Variants in ITPR1 observed in about 807,000 individuals in gnomAD.
ITPR1 encodes the protein inositol 1,4,5-trisphosphate-gated calcium channel ITPR1.
A neutral mutation model predicts 318.4 loss-of-function variants in ITPR1; 96 were observed. The ratio of observed to expected loss-of-function variants is 0.30; its 90% CI spans 0.26 to 0.36. ITPR1 has a LOEUF of 0.36. ITPR1 is among the 10% of genes least tolerant of loss of function. ITPR1 has a pLI of 1.00. For synonymous variants in ITPR1, 1,312 were observed against 1,289.9 expected (o/e 1.02, Z -0.37); for missense variants, 2,440 against 3,460.2 (o/e 0.71, Z 7.40).
chr3:4,648,234 T>G (rs528431253), intron 10 of ITPR1, among the ~76,000 whole-genome samples: 56 of 152,332 alleles, frequency 3.7e-4, no homozygotes, highest in African/African-American at 1.3e-3. Flanking sequence ...CTATATAAAG[T>G]TTTTGTTAAT....
chr3:4,523,236 G>C (rs2082702659), intron 4 of ITPR1, among the ~76,000 whole-genome samples: 1 of 152,090 alleles, frequency 6.6e-6, no homozygotes, highest in African/African-American at 2.4e-5. Context: ...GATGAACCTG[G>C]GAGAGATTCT....
intron 4 of ITPR1, among the ~76,000 whole-genome samples, chr3:4,559,344 A>G (rs898867888): frequency 6.6e-6 from 1 of 152,162 alleles, no homozygotes; most frequent in Non-Finnish European, 1.5e-5. Context: ...GTGTGCATGC[A>G]TTAATTTGAT....
intron 36 of ITPR1, 43 bp from the exon 37 acceptor site, chr3:4,706,124 C>G (rs776768864): frequency 1.2e-6 from 2 of 1,609,080 alleles, no homozygotes; most frequent in Non-Finnish European, 1.7e-6. Flanking sequence ...AGGGTGTCCC[C>G]CATAAAAGTT....
intron 37 of ITPR1, among the ~76,000 whole-genome samples, chr3:4,707,574 A>G (rs1209455041): frequency 6.6e-6 from 1 of 152,218 alleles, no homozygotes; most frequent in African/African-American, 2.4e-5. Context: ...GGCAGTCTCA[A>G]AGGTTCACTC....
intron 33 of ITPR1, among the ~76,000 whole-genome samples, chr3:4,694,953 A>G (rs1395307858): frequency 6.6e-6 from 1 of 152,236 alleles, no homozygotes; most frequent in African/African-American, 2.4e-5. Context: ...TACAGTATAT[A>G]TACTTTACTT....
chr3:4,622,875 T>G (rs571412265), intron 4 of ITPR1, among the ~76,000 whole-genome samples: 1 of 152,368 alleles, frequency 6.6e-6, no homozygotes, highest in East Asian at 1.9e-4. Flanking sequence ...CTACTCAATC[T>G]TTAGACCCTG....
chr3:4,808,568 C>T (rs989710460), intron 55 of ITPR1, among the ~76,000 whole-genome samples: 15 of 152,128 alleles, frequency 9.9e-5, no homozygotes, highest in South Asian at 2.1e-4. Context: ...CTGTGCTTTG[C>T]GGGGGGATTT....
chr3:4,592,950 T>G (rs1165285709), intron 4 of ITPR1, among the ~76,000 whole-genome samples: 1 of 151,872 alleles, frequency 6.6e-6, no homozygotes, highest in Non-Finnish European at 1.5e-5. Context: ...ACTGCGGGAG[T>G]GGTCTTAGCT....
chr3:4,753,741 A>G (rs950805514), intron 44 of ITPR1, among the ~76,000 whole-genome samples: 15 of 152,040 alleles, frequency 9.9e-5, no homozygotes, highest in African/African-American at 3.4e-4. Context: ...TTCGGCTTCT[A>G]TGGCCAAGTG....
intron 4 of ITPR1, among the ~76,000 whole-genome samples, chr3:4,526,999 GT>G (rs1339936795): frequency 2.6e-5 from 4 of 152,362 alleles, no homozygotes; most frequent in African/African-American, 9.6e-5. Flanking sequence ...CTGGGGAAAA[GT>G]AAATGAGGAT....
At chr3:4,760,369 A>G (rs1011359421) in intron 44 of ITPR1, among the ~76,000 whole-genome samples, 1 of 152,244 alleles carries the variant, frequency 6.6e-6, no homozygotes, top group African/African-American at 2.4e-5. Context: ...TGGCCCCTCT[A>G]CAGAGTTCCC....
At chr3:4,825,560 GAA>G (rs2050017320) in intron 60 of ITPR1, among the ~76,000 whole-genome samples, 1 of 152,170 alleles carries the variant, frequency 6.6e-6, no homozygotes, top group African/African-American at 2.4e-5. Context: ...CATCTATGAG[GAA>G]ACATTATGAG....
chr3:4,530,719 C>T (rs551337548), intron 4 of ITPR1, among the ~76,000 whole-genome samples: 13 of 152,042 alleles, frequency 8.6e-5, no homozygotes, highest in East Asian at 1.9e-4. Context: ...AGGTTGAGGC[C>T]GCAGTGAGCC....
intron 4 of ITPR1, among the ~76,000 whole-genome samples, chr3:4,557,285 C>T (rs1449428259): frequency 6.6e-6 from 1 of 152,160 alleles, no homozygotes; most frequent in African/African-American, 2.4e-5. Context: ...AGAGCAGGTG[C>T]AGGGGAACTC....
intron 36 of ITPR1, among the ~76,000 whole-genome samples, chr3:4,704,400 G>A (rs138953239): frequency 2.0e-5 from 3 of 152,266 alleles, no homozygotes; most frequent in East Asian, 1.9e-4. Flanking sequence ...CGACAGGAGC[G>A]CAACTCTGTC....
chr3:4,757,254 A>G (rs2045070941), intron 44 of ITPR1, among the ~76,000 whole-genome samples: 3 of 152,198 alleles, frequency 2.0e-5, no homozygotes, highest in Admixed American at 1.3e-4. Flanking sequence ...CTCCAGACCC[A>G]CAGCAGTCAT....
chr3:4,715,697 A>G (rs1559758031), intron 39 of ITPR1, among the ~76,000 whole-genome samples: 2 of 152,206 alleles, frequency 1.3e-5, no homozygotes, highest in African/African-American at 4.8e-5. Flanking sequence ...TACTAAAAAT[A>G]CAAAAATTAG....
intron 44 of ITPR1, among the ~76,000 whole-genome samples, chr3:4,742,823 T>A (rs1339895385): frequency 1.3e-5 from 2 of 152,232 alleles, no homozygotes; most frequent in African/African-American, 4.8e-5. Flanking sequence ...GTTTTCTGTC[T>A]AAAATCCTAC....
intron 2 of ITPR1, among the ~76,000 whole-genome samples, chr3:4,506,593 G>A (rs1458513660): frequency 6.6e-6 from 1 of 152,060 alleles, no homozygotes; most frequent in Non-Finnish European, 1.5e-5. Context: ...TAGAATATAG[G>A]TATCACGGGA....
Sources: allele counts gnomAD v4.1 joint callset (sites outside exome capture counted in the v4.1 genomes callset), GRCh38; gene constraint gnomAD v4.1.1; transcripts MANE v1.5; gene names NCBI Gene and HGNC (gene_info 2026-07-23, HGNC 2026-07-21).